NOX4: variants seen among roughly 807,000 people sequenced by gnomAD.
NOX4 encodes kidney oxidase-1.
NOX4 carries 69 observed loss-of-function variants against 87.6 expected under a neutral mutation model. The observed-to-expected ratio is 0.79, with a 90% CI of 0.65 to 0.96. The LOEUF is 0.96. Ranked by LOEUF, NOX4 falls within the 40% of genes least tolerant of loss-of-function variation. NOX4 has a pLI of 0.00. For missense variants in NOX4, 680 were observed against 681.5 expected (o/e 1.00, Z 0.02); for synonymous variants, 275 against 238.2 (o/e 1.15, Z -1.42).
chr11:89,426,199 G>C (rs563734764), intron 7 of NOX4, among the ~76,000 whole-genome samples: 1 of 152,094 alleles, frequency 6.6e-6, no homozygotes, highest in Non-Finnish European at 1.5e-5. Flanking sequence ...TTTACAGCAA[G>C]ACAAACTCAT....
chr11:89,382,315 A>G (rs1940347740), intron 11 of NOX4, among the ~76,000 whole-genome samples: 1 of 151,938 alleles, frequency 6.6e-6, no homozygotes, highest in African/African-American at 2.4e-5. Context: ...CTAAAACCTA[A>G]ATGCCTTATT....
rs139281053 is a variant in NOX4 at position 89,490,172 on chromosome 11, C to T, written c.153+286G>A. On this transcript the variant is annotated intron_variant, in intron 2 of 17. Coordinates refer to ENST00000263317, the MANE Select transcript of NOX4 (RefSeq NM_016931.5). ...GAATCAGATCCTTCAGGGTACTTAG[C>T]AGCTGGCAATAAGTAGCAATTTTTT... Among the ~76,000 whole-genome samples the T allele has an allele frequency of 5.6e-4, 85 of 152,310 alleles. 1 individual carries two copies. The highest frequency in any genetic ancestry group is 2.5e-3 in the East Asian group (13 of 5,182).
At chr11:89,491,567 G>T, upstream of NOX4, 1 of 360,554 alleles carries the variant, frequency 2.8e-6, no homozygotes. Flanking sequence ...TTGTCTAGGG[G>T]CGAGCCTGTT....
At chr11:89,475,886 A>G (rs1946144474) in intron 2 of NOX4, among the ~76,000 whole-genome samples, 1 of 152,092 alleles carries the variant, frequency 6.6e-6, no homozygotes, top group African/African-American at 2.4e-5. Context: ...TTCGCTGGTG[A>G]TATCATATTT....
chr11:89,362,748 T>C (rs1938628892), intron 12 of NOX4, among the ~76,000 whole-genome samples: 1 of 151,960 alleles, frequency 6.6e-6, no homozygotes, highest in African/African-American at 2.4e-5. Context: ...ATATTATAGA[T>C]CTTGGAGTAT....
chr11:89,350,208 G>A (rs1374794708), intron 13 of NOX4, among the ~76,000 whole-genome samples: 5 of 152,118 alleles, frequency 3.3e-5, no homozygotes, highest in African/African-American at 1.2e-4. Flanking sequence ...TGTAAAAATT[G>A]ATTAATGAAC....
intron 11 of NOX4, among the ~76,000 whole-genome samples, chr11:89,375,415 C>T (rs1939762106): frequency 1.3e-5 from 2 of 152,222 alleles, no homozygotes; most frequent in Middle Eastern, 3.4e-3. Flanking sequence ...AAGCGATTCT[C>T]CTGCTTCAGC....
At chr11:89,376,831 G>GA (rs1484971936) in intron 11 of NOX4, among the ~76,000 whole-genome samples, 4 of 152,138 alleles carry the variant, frequency 2.6e-5, no homozygotes, top group Non-Finnish European at 5.9e-5. Flanking sequence ...GCAGTGAGCT[G>GA]AGATCACGCC....
intron 2 of NOX4, among the ~76,000 whole-genome samples, chr11:89,458,158 A>G (rs1945290618): frequency 6.6e-6 from 1 of 152,236 alleles, no homozygotes; most frequent in Admixed American, 6.5e-5. Context: ...ACTTCGAATT[A>G]TACTACAAGA....
the NOX4 span, among the ~76,000 whole-genome samples, chr11:89,520,638 C>A: frequency 6.6e-6 from 1 of 152,190 alleles, no homozygotes; most frequent in Non-Finnish European, 1.5e-5. Context: ...AGAACTGAAA[C>A]AATACAAGGA....
In NOX4 at chr11:89,325,623, T is replaced by C. The variant is rs1479871177; in HGVS notation, c.*1133A>G. On this transcript the variant is annotated 3_prime_UTR_variant, in exon 18 of 18. Coordinates refer to ENST00000263317, the MANE Select transcript of NOX4 (RefSeq NM_016931.5). ...TGAATAAGAATATCATATTTCCTCT[T>C]ACTTAAAAGGTAAAATACAGGTTTT... 1.3e-5 allele frequency: 2 copies of C among 152,076 alleles called. No individual in the cohort carries two copies. Among genetic ancestry groups the C allele is most frequent in the Non-Finnish European group, 2.9e-5 (2 of 68,010 alleles). The allele number at this position is 152,076 out of a possible 1,614,324, so 9.4% of individuals were successfully genotyped here. A position where few individuals can be genotyped will look rare whatever the true frequency, so the allele number is the denominator to read the frequency against.
chr11:89,578,225 G>A, the NOX4 span, among the ~76,000 whole-genome samples: 2 of 151,022 alleles, frequency 1.3e-5, no homozygotes, highest in Non-Finnish European at 2.9e-5. Context: ...GCCGTGGCGT[G>A]ATCACGGCTT....
intron 11 of NOX4, among the ~76,000 whole-genome samples, chr11:89,381,072 G>A (rs189883528): frequency 1.8e-4 from 27 of 152,168 alleles, no homozygotes; most frequent in African/African-American, 5.3e-4. Context: ...CTTTGAAAAC[G>A]GGAAAAACTA....
intron 11 of NOX4, among the ~76,000 whole-genome samples, chr11:89,398,348 A>G (rs1591116771): frequency 6.6e-6 from 1 of 151,956 alleles, no homozygotes; most frequent in East Asian, 2.0e-4. Flanking sequence ...TAACAAACCC[A>G]CAGCCAATAT....
chr11:89,440,647 T>A (rs1187659073), intron 6 of NOX4, 41 bp downstream of exon 6: 1 of 1,421,222 alleles, frequency 7.0e-7, no homozygotes, highest in South Asian at 1.3e-5. Flanking sequence ...CTTTTAAAGA[T>A]GTTCCTAAAC....
intron 12 of NOX4, among the ~76,000 whole-genome samples, chr11:89,372,641 C>T (rs1939530489): frequency 6.6e-6 from 1 of 151,868 alleles, no homozygotes. Context: ...TCTTACAGCC[C>T]TAGACCACAT....
At chr11:89,394,487 T>G (rs1360203812) in intron 11 of NOX4, among the ~76,000 whole-genome samples, 2 of 151,820 alleles carry the variant, frequency 1.3e-5, no homozygotes, top group Non-Finnish European at 2.9e-5. Flanking sequence ...CAAGGGAAGG[T>G]TAATTTCTGA....
At chr11:89,358,997 G>C (rs963412872) in intron 12 of NOX4, among the ~76,000 whole-genome samples, 1 of 151,634 alleles carries the variant, frequency 6.6e-6, no homozygotes, top group African/African-American at 2.4e-5. Context: ...ATGTGATAAT[G>C]TCTGAACGTG....
intron 8 of NOX4, among the ~76,000 whole-genome samples, chr11:89,405,164 T>A (rs1298346080): frequency 2.0e-5 from 3 of 149,734 alleles, no homozygotes; most frequent in Non-Finnish European, 4.4e-5. Flanking sequence ...GGCAAATAAA[T>A]GTCGTTAATC....
Sources: gnomAD v4.1 joint callset for allele counts (sites outside exome capture counted in the v4.1 genomes callset) on GRCh38, gnomAD v4.1.1 for gene constraint, MANE v1.5 for transcripts, NCBI Gene and HGNC (gene_info 2026-07-23, HGNC 2026-07-21) for gene names.